NLGN1: variants seen among roughly 807,000 people sequenced by gnomAD.
NLGN1 encodes neuroligin-1.
A neutral mutation model predicts 65.5 loss-of-function variants in NLGN1; 12 were observed. The observed-to-expected ratio is 0.18, with a 90% confidence interval of 0.12 to 0.30. The LOEUF (loss-of-function observed/expected upper bound fraction) is 0.30, where lower values mean the gene tolerates loss of function less well. Among genes scored for constraint, NLGN1 ranks in the 10% least tolerant of loss-of-function variants. The probability of loss-of-function intolerance (pLI) is 1.00; values close to 1 mark genes in which losing one functional copy is unlikely to be tolerated. For synonymous variants in NLGN1, 350 were observed against 359.5 expected (o/e 0.97, Z 0.30); for missense variants, 750 against 1,007.1 (o/e 0.74, Z 3.46).
chr3:174,198,248 G>C (rs188969610), intron 4 of NLGN1, among the ~76,000 whole-genome samples: 2 of 152,116 alleles, frequency 1.3e-5, no homozygotes, highest in African/African-American at 4.8e-5. Flanking sequence ...CATGCTTTAC[G>C]TGCAGTTTTA....
chr3:174,265,820 A>G (rs964529893), intron 4 of NLGN1, among the ~76,000 whole-genome samples: 1 of 146,492 alleles, frequency 6.8e-6, no homozygotes, highest in African/African-American at 2.5e-5. Flanking sequence ...ATTTTTATAC[A>G]ACATCTATAT....
At chr3:174,175,630 T>C (rs1268595909) in intron 4 of NLGN1, among the ~76,000 whole-genome samples, 1 of 151,958 alleles carries the variant, frequency 6.6e-6, no homozygotes, top group Non-Finnish European at 1.5e-5. Context: ...CCCTCTGATA[T>C]CTGTTGATTC....
chr3:173,654,146 G>T (rs1165030543), intron 3 of NLGN1, among the ~76,000 whole-genome samples: 1 of 152,050 alleles, frequency 6.6e-6, no homozygotes, highest in East Asian at 1.9e-4. Flanking sequence ...GTTGTTATAA[G>T]CCAGAAAAAT....
intron 4 of NLGN1, among the ~76,000 whole-genome samples, chr3:173,963,912 G>A (rs1207006843): frequency 1.3e-5 from 2 of 152,138 alleles, no homozygotes; most frequent in African/African-American, 2.4e-5. Context: ...TTCTATAAAA[G>A]CATGGGTGTG....
At chr3:174,283,896 A>G (rs777405746) in exon 7 of NLGN1, 2 of 151,494 alleles carry the variant, frequency 1.3e-5, no homozygotes, top group Non-Finnish European at 3.0e-5. Flanking sequence ...AACAAAACAC[A>G]AGAACAGAAT....
rs190772544 is a variant in NLGN1 at position 173,894,220 on chromosome 3, T to C, written c.646+86388T>C. 2.4e-3 allele frequency among the ~76,000 whole-genome samples: 362 copies of C among 152,264 alleles called. 3 individuals are homozygous for C. The highest frequency in any genetic ancestry group is 0.011 in the South Asian group (54 of 4,824). On this transcript the variant is annotated intron_variant, in intron 4 of 6. Transcript: ENST00000457714. ...TATTATTATCATCATCAACATCATA[T>C]AGTTAGTGTAGTCCTACTAGAGGCC...
intron 4 of NLGN1, among the ~76,000 whole-genome samples, chr3:174,134,617 T>C (rs751634155): frequency 1.3e-5 from 2 of 152,056 alleles, no homozygotes; most frequent in African/African-American, 2.4e-5. Context: ...GCATGTGAAG[T>C]AGTGAGAGAA....
chr3:173,531,606 G>C (rs1183687053), intron 2 of NLGN1, among the ~76,000 whole-genome samples: 1 of 122,306 alleles, frequency 8.2e-6, no homozygotes, highest in Admixed American at 8.6e-5. Context: ...TGGAAATCAT[G>C]TTATTAGTCA....
intron 4 of NLGN1, among the ~76,000 whole-genome samples, chr3:174,247,730 A>G (rs897998899): frequency 7.9e-5 from 12 of 152,170 alleles, no homozygotes; most frequent in Admixed American, 7.9e-4. Flanking sequence ...CATTAAAGCT[A>G]TCTCAGGAAA....
chr3:173,637,951 A>C (rs914679503), intron 3 of NLGN1, among the ~76,000 whole-genome samples: 24 of 152,302 alleles, frequency 1.6e-4, no homozygotes, highest in African/African-American at 5.8e-4. Flanking sequence ...GACATTTGGA[A>C]AATTGTGAAA....
At chr3:174,197,213 T>C (rs1256408492) in intron 4 of NLGN1, among the ~76,000 whole-genome samples, 2 of 152,160 alleles carry the variant, frequency 1.3e-5, no homozygotes, top group Admixed American at 6.5e-5. Flanking sequence ...GTAGTGTATA[T>C]GTTGTCTTCT....
Position 173,723,986 on chromosome 3 carries a change from A to G in NLGN1, c.494-83694A>G, listed in dbSNP as rs561110815. On this transcript the variant is annotated intron_variant, in intron 3 of 6. Coordinates refer to ENST00000457714, the Ensembl canonical transcript of NLGN1. ...TTGGATGAAAGGGATAGGAGAAAGAAGTCAGAATAACTCTCAAGTTTTTAG... is the reference window on the plus strand; with the variant it reads ...TTGGATGAAAGGGATAGGAGAAAGAGGTCAGAATAACTCTCAAGTTTTTAG... Among the ~76,000 whole-genome samples the G allele has an allele frequency of 5.9e-5, 9 of 152,318 alleles. No homozygotes were observed. The East Asian group carries it at 1.7e-3, about 29-fold the overall frequency.
chr3:174,238,729 C>T (rs752864176), intron 4 of NLGN1, among the ~76,000 whole-genome samples: 4 of 152,108 alleles, frequency 2.6e-5, no homozygotes, highest in Non-Finnish European at 5.9e-5. Context: ...CTAATTTATC[C>T]TTATGACTTT....
At chr3:173,643,930 G>A (rs1757807786) in intron 3 of NLGN1, among the ~76,000 whole-genome samples, 2 of 152,030 alleles carry the variant, frequency 1.3e-5, no homozygotes, top group South Asian at 4.1e-4. Flanking sequence ...TACATCAGCG[G>A]AACCAGCAAA....
chr3:173,994,276 T>G (rs1204241781), intron 4 of NLGN1, among the ~76,000 whole-genome samples: 1 of 151,352 alleles, frequency 6.6e-6, no homozygotes, highest in African/African-American at 2.4e-5. Context: ...CCTGGCTAAT[T>G]TTGTATTTTG....
intron 4 of NLGN1, among the ~76,000 whole-genome samples, chr3:174,106,568 C>CTA (rs1713861684): frequency 6.6e-6 from 1 of 151,826 alleles, no homozygotes; most frequent in African/African-American, 2.4e-5. Flanking sequence ...AATTATAGAT[C>CTA]TATATGCAAT....
intron 4 of NLGN1, among the ~76,000 whole-genome samples, chr3:174,112,112 A>G (rs1391217598): frequency 6.6e-6 from 1 of 151,938 alleles, no homozygotes; most frequent in Non-Finnish European, 1.5e-5. Context: ...TACCAAATTA[A>G]TATAGAGGCA....
chr3:173,551,759 C>A (rs150162696), intron 2 of NLGN1, among the ~76,000 whole-genome samples: 1 of 152,270 alleles, frequency 6.6e-6, no homozygotes, highest in East Asian at 1.9e-4. Flanking sequence ...ATTTACTACT[C>A]ATGTGACCCC....
At chr3:173,826,450 A>G (rs1294989465) in intron 4 of NLGN1, among the ~76,000 whole-genome samples, 1 of 152,100 alleles carries the variant, frequency 6.6e-6, no homozygotes, top group Non-Finnish European at 1.5e-5. Flanking sequence ...GGAAACACAT[A>G]GATCGTGTCA....
Sources: allele counts gnomAD v4.1 joint callset (sites outside exome capture counted in the v4.1 genomes callset), GRCh38; gene constraint gnomAD v4.1.1; transcripts MANE v1.5; gene names NCBI Gene and HGNC (gene_info 2026-07-23, HGNC 2026-07-21).